Variants in CDK12 observed in about 807,000 individuals in gnomAD.
CDK12 encodes cyclin-dependent kinase 12.
In CDK12, 17 loss-of-function variants were observed where a neutral mutation model predicts 133.8. The observed-to-expected ratio is 0.13, with a 90% CI of 0.09 to 0.19. CDK12 has a LOEUF of 0.19. Ranked by LOEUF, CDK12 falls within the 10% of genes least tolerant of loss-of-function variation. The pLI, the probability that CDK12 is intolerant of heterozygous loss-of-function variation, is 1.00. For missense variants in CDK12, 1,508 were observed against 1,818.7 expected (o/e 0.83, Z 3.11); for synonymous variants, 694 against 683.6 (o/e 1.02, Z -0.24).
chr17:39,557,776 C>A (rs1400940491), intron 3 of CDK12, among the ~76,000 whole-genome samples: 2 of 152,162 alleles, frequency 1.3e-5, no homozygotes, highest in African/African-American at 2.4e-5. Context: ...TGCACTGCTT[C>A]TTGGTTCTTC....
At chr17:39,481,751 C>G (rs77474724) in intron 2 of CDK12, among the ~76,000 whole-genome samples, 1 of 147,532 alleles carries the variant, frequency 6.8e-6, no homozygotes, top group South Asian at 2.1e-4. Context: ...GACAAAGTCT[C>G]ATCCTGTTGC....
At chr17:39,485,582 T>G (rs987340908) in intron 2 of CDK12, among the ~76,000 whole-genome samples, 1 of 151,920 alleles carries the variant, frequency 6.6e-6, no homozygotes, top group Non-Finnish European at 1.5e-5. Context: ...CTGGCTAATT[T>G]TTTTTGTATT....
chr17:39,472,793 C>T (rs1051597603), intron 2 of CDK12, among the ~76,000 whole-genome samples: 5 of 150,742 alleles, frequency 3.3e-5, no homozygotes, highest in Non-Finnish European at 7.4e-5. Flanking sequence ...AACATGCTAT[C>T]GGCCAGGCGC....
At position 39,470,840 on chromosome 17, in the gene CDK12, G is replaced by A. The variant is rs749210177; in HGVS notation, c.1047-39G>A. ...GATCTGTTTTCCTCCATATACTACT[G>A]TAGTCCATTCATTTAAAACTGGCTT... On this transcript the variant is annotated intron_variant, in intron 1 of 13. Transcript: ENST00000447079. 13 of 1,517,316 alleles carry A rather than the reference G, an allele frequency of 8.6e-6. No homozygotes were observed. The East Asian group carries it at 2.2e-4, about 26-fold the overall frequency. 94.0% of individuals were successfully genotyped at this position (1,517,316 alleles called of 1,614,324 possible).
chr17:39,518,530 CTGT>C (rs2053958759), intron 10 of CDK12, among the ~76,000 whole-genome samples: 1 of 151,974 alleles, frequency 6.6e-6, no homozygotes, highest in Non-Finnish European at 1.5e-5. Flanking sequence ...TTTTCCCTCT[CTGT>C]TATTTTATTT....
chr17:39,542,615 A>C (rs989715936), intron 1 of CDK12, among the ~76,000 whole-genome samples: 1 of 151,090 alleles, frequency 6.6e-6, no homozygotes, highest in East Asian at 1.9e-4. Flanking sequence ...GGTTTGAGCA[A>C]CTCTCCTGCC....
At chr17:39,463,173 C>A in intron 1 of CDK12, 56 bp downstream of exon 1, 1 of 1,479,954 alleles carries the variant, frequency 6.8e-7, no homozygotes, top group Non-Finnish European at 9.3e-7. Context: ...GAGGAATTGG[C>A]ATTCAGCGTG....
At chr17:39,511,892 T>C (rs912383317) in intron 8 of CDK12, among the ~76,000 whole-genome samples, 5 of 152,202 alleles carry the variant, frequency 3.3e-5, no homozygotes, top group Non-Finnish European at 7.3e-5. Context: ...GGTTCATAGC[T>C]TGCAATTGAT....
chr17:39,566,788 G>A (rs2056590224), downstream of CDK12: 1 of 152,506 alleles, frequency 6.6e-6, no homozygotes, highest in African/African-American at 2.4e-5. Context: ...CTCTTCTCAG[G>A]CTCAGCTCCA....
At chr17:39,489,284 G>A (rs1007069951) in intron 2 of CDK12, among the ~76,000 whole-genome samples, 2 of 151,856 alleles carry the variant, frequency 1.3e-5, no homozygotes, top group South Asian at 4.2e-4. Context: ...TGCCCAGGCT[G>A]GTCTCGAACT....
intron 6 of CDK12, among the ~76,000 whole-genome samples, chr17:39,508,755 G>A (rs910368986): frequency 6.6e-6 from 1 of 152,184 alleles, no homozygotes; most frequent in African/African-American, 2.4e-5. Flanking sequence ...AGCCCTTTGG[G>A]AGGCTGAGGA....
At chr17:39,514,956 A>T (rs1335281899) in intron 8 of CDK12, among the ~76,000 whole-genome samples, 1 of 152,190 alleles carries the variant, frequency 6.6e-6, no homozygotes, top group African/African-American at 2.4e-5. Flanking sequence ...AGAATTTTAC[A>T]CAAATGGAAT....
chr17:39,559,689 A>C (rs1177440770), intron 3 of CDK12, among the ~76,000 whole-genome samples: 1 of 152,084 alleles, frequency 6.6e-6, no homozygotes, highest in African/African-American at 2.4e-5. Flanking sequence ...GCCTGGGCTT[A>C]TTAGCTGGGC....
chr17:39,519,198 C>T (rs34518049), intron 10 of CDK12, among the ~76,000 whole-genome samples: 7,867 of 151,802 alleles, frequency 0.052, 664 homozygotes, highest in African/African-American at 0.18. Context: ...CTACTGTGCC[C>T]GGCCCAGCAT....
At chr17:39,476,711 C>CATCTTTTTTTTTT in intron 2 of CDK12, among the ~76,000 whole-genome samples, 1 of 84,516 alleles carries the variant, frequency 1.2e-5, no homozygotes, top group Non-Finnish European at 2.1e-5. Context: ...CCATGCCTGC[C>CATCTTTTTTTTTT]TTTTTTTTTT....
chr17:39,479,290 AAG>A (rs5820293), intron 2 of CDK12, among the ~76,000 whole-genome samples: 144,449 of 144,462 alleles, frequency 1, 72,218 homozygotes, highest in Middle Eastern at 1. Flanking sequence ...CCTGGGCGAC[AAG>A]AGCGAGACTC....
chr17:39,495,577 G>A (rs1349991595), intron 5 of CDK12, among the ~76,000 whole-genome samples: 3 of 151,578 alleles, frequency 2.0e-5, no homozygotes, highest in East Asian at 3.9e-4. Flanking sequence ...AGATCACAAG[G>A]TCAGGAGATC....
rs1190792597 is a variant in CDK12 at position 39,501,356 on chromosome 17, G to A, written c.2526G>A (p.Gln842=). Residue 842 remains glutamine, a synonymous_variant, in exon 6 of 14, where the codon CAG becomes CAA. Coordinates refer to ENST00000447079, the MANE Select transcript of CDK12 (RefSeq NM_016507.4). ...ACCATATCAAGTCGTTCATGAAACA[G>A]CTAATGGAAGGATTGGAATACTGTC... ...SEDHIKSFMK[Q]LMEGLEYCHK... The A allele has an allele frequency of 1.9e-6, 3 of 1,613,740 alleles. No homozygotes were observed. Among genetic ancestry groups the A allele is most frequent in the Non-Finnish European group, 2.5e-6 (3 of 1,179,782 alleles).
At chr17:39,543,971 A>C (rs927867910), upstream of CDK12, 5 of 236,168 alleles carry the variant, frequency 2.1e-5, no homozygotes, top group Admixed American at 8.7e-5. Context: ...GTTTCTGTTG[A>C]ATTCCCTAAC....
Sources: gnomAD v4.1 joint callset for allele counts (sites outside exome capture counted in the v4.1 genomes callset) on GRCh38, gnomAD v4.1.1 for gene constraint, MANE v1.5 for transcripts, NCBI Gene and HGNC (gene_info 2026-07-23, HGNC 2026-07-21) for gene names.